The following HUNK variants were observed in gnomAD, a reference collection of about 807,000 sequenced individuals.
HUNK encodes the protein hormonally up-regulated neu tumor-associated kinase.
Under a neutral mutation model 61.0 loss-of-function variants are expected in HUNK, and 21 were observed. The observed-to-expected ratio is 0.34, with a 90% CI of 0.24 to 0.50. HUNK has a LOEUF of 0.50. Ranked by LOEUF, HUNK falls within the 20% of genes least tolerant of loss-of-function variation. The probability of loss-of-function intolerance (pLI) is 0.98; values close to 1 mark genes in which losing one functional copy is unlikely to be tolerated. For missense variants in HUNK, 772 were observed against 945.7 expected (o/e 0.82, Z 2.41); for synonymous variants, 371 against 386.1 (o/e 0.96, Z 0.46).
At chr21:31,978,898 A>C (rs527933753) in intron 7 of HUNK, among the ~76,000 whole-genome samples, 1 of 152,158 alleles carries the variant, frequency 6.6e-6, no homozygotes, top group South Asian at 2.1e-4. Flanking sequence ...TTTTTTGAGG[A>C]TCCATACTGA....
At chr21:31,984,389 A>G (rs2123244972) in intron 8 of HUNK, among the ~76,000 whole-genome samples, 1 of 152,330 alleles carries the variant, frequency 6.6e-6, no homozygotes, top group South Asian at 2.1e-4. Flanking sequence ...TAAAAATAAA[A>G]GGAAAAAAAT....
rs148983665 is a variant in HUNK at position 31,900,657 on chromosome 21, G to A, written c.262-23811G>A. Among the ~76,000 whole-genome samples the A allele has an allele frequency of 1.8e-3, 273 of 152,254 alleles. 1 individual carries two copies. Among genetic ancestry groups the A allele is most frequent in the African/African-American group, 6.2e-3 (257 of 41,550 alleles). ...AGCACTCTACTACAGAGCCCTGCGCGTGCAGTGATACCTGAGTTAATCAGT... is the reference window on the plus strand; with the variant it reads ...AGCACTCTACTACAGAGCCCTGCGCATGCAGTGATACCTGAGTTAATCAGT... On this transcript the variant is annotated intron_variant, in intron 1 of 10. Coordinates refer to ENST00000270112, the MANE Select transcript of HUNK (RefSeq NM_014586.2).
chr21:31,886,506 G>A (rs149656433), intron 1 of HUNK, among the ~76,000 whole-genome samples: 3 of 151,888 alleles, frequency 2.0e-5, no homozygotes, highest in Non-Finnish European at 4.4e-5. Context: ...ATTCTGGGGG[G>A]ACATAATTAA....
Position 31,969,561 on chromosome 21 carries a change from CTCTTTTT to C in HUNK, c.1010+1185_1010+1191del, listed in dbSNP as rs1030426153. On this transcript the variant is annotated intron_variant, in intron 6 of 10. Coordinates refer to ENST00000270112, the MANE Select transcript of HUNK (RefSeq NM_014586.2). Reference sequence around the variant, plus strand: ...GCTAACTACAGATTAAAAAACATTTCTCTTTTTTCTTTTTTTTTTTTTTGAGACAAAA... The same window carrying C: ...GCTAACTACAGATTAAAAAACATTTCTCTTTTTTTTTTTTTTGAGACAAAA... Among the ~76,000 whole-genome samples, 6 of 151,950 alleles carry C rather than the reference CTCTTTTT, an allele frequency of 3.9e-5. No homozygotes were observed. The South Asian group carries it at 6.3e-4, about 16-fold the overall frequency.
At chr21:31,879,968 A>G (rs1331799451) in intron 1 of HUNK, among the ~76,000 whole-genome samples, 1 of 152,162 alleles carries the variant, frequency 6.6e-6, no homozygotes, top group Non-Finnish European at 1.5e-5. Context: ...TACTGACCTG[A>G]ATTGAATTTC....
At chr21:31,975,696 T>C (rs1328721260) in intron 7 of HUNK, among the ~76,000 whole-genome samples, 1 of 152,236 alleles carries the variant, frequency 6.6e-6, no homozygotes, top group Non-Finnish European at 1.5e-5. Flanking sequence ...GCCCAATATG[T>C]CACCAAATTT....
At chr21:31,977,133 A>G (rs1257625099) in intron 7 of HUNK, among the ~76,000 whole-genome samples, 4 of 152,134 alleles carry the variant, frequency 2.6e-5, no homozygotes, top group Non-Finnish European at 4.4e-5. Flanking sequence ...TAAAATTTCT[A>G]TTTATTATAT....
At chr21:31,968,973 G>A (rs974922089) in intron 6 of HUNK, among the ~76,000 whole-genome samples, 3 of 151,830 alleles carry the variant, frequency 2.0e-5, no homozygotes, top group African/African-American at 7.3e-5. Flanking sequence ...CTGCCTCCTG[G>A]TTTCAAGCGA....
intron 1 of HUNK, among the ~76,000 whole-genome samples, chr21:31,916,401 TGTGTGTCATTACCGG>T (rs1001075234): frequency 1.3e-5 from 2 of 152,180 alleles, no homozygotes; most frequent in African/African-American, 2.4e-5. Flanking sequence ...TAGATGGAAG[TGTGTGTCATTACCGG>T]GTGCATTACT....
At chr21:31,957,015 G>A (rs2052894130) in intron 4 of HUNK, among the ~76,000 whole-genome samples, 1 of 152,116 alleles carries the variant, frequency 6.6e-6, no homozygotes, top group African/African-American at 2.4e-5. Flanking sequence ...AAAGACACAT[G>A]AGCTCACACA....
At chr21:31,971,896 A>G (rs754052926) in intron 6 of HUNK, among the ~76,000 whole-genome samples, 23 of 148,102 alleles carry the variant, frequency 1.6e-4, no homozygotes, top group Non-Finnish European at 3.1e-4. Context: ...TGGCGCAATC[A>G]CAGCTCACTG....
chr21:31,962,172 G>T (rs2052933543), intron 5 of HUNK, among the ~76,000 whole-genome samples: 2 of 152,128 alleles, frequency 1.3e-5, no homozygotes, highest in Non-Finnish European at 2.9e-5. Flanking sequence ...CTAAAACATG[G>T]CATGCGGCTT....
chr21:31,957,192 T>C (rs149962942), intron 4 of HUNK, among the ~76,000 whole-genome samples: 1 of 152,196 alleles, frequency 6.6e-6, no homozygotes, highest in South Asian at 2.1e-4. Flanking sequence ...ATCTATTTGT[T>C]TGCACGTTGC....
chr21:31,889,419 CTT>C (rs1027548944), intron 1 of HUNK, among the ~76,000 whole-genome samples: 1 of 152,194 alleles, frequency 6.6e-6, no homozygotes, highest in Non-Finnish European at 1.5e-5. Flanking sequence ...AGTGTTATCA[CTT>C]ATATAATCTG....
At chr21:31,980,148 C>T (rs1295089409) in intron 7 of HUNK, among the ~76,000 whole-genome samples, 2 of 151,438 alleles carry the variant, frequency 1.3e-5, no homozygotes, top group Non-Finnish European at 1.5e-5. Context: ...CTCAGCTCAC[C>T]GTGACCTCCA....
At chr21:31,942,655 C>G (rs912108201) in intron 3 of HUNK, among the ~76,000 whole-genome samples, 3 of 152,172 alleles carry the variant, frequency 2.0e-5, no homozygotes, top group Admixed American at 2.0e-4. Flanking sequence ...TCAAATCTCT[C>G]AGAGTCATCA....
intron 6 of HUNK, among the ~76,000 whole-genome samples, chr21:31,971,743 A>G (rs941365101): frequency 6.6e-6 from 1 of 152,126 alleles, no homozygotes. Flanking sequence ...ATGTCTTTGG[A>G]AGTAAATTTT....
chr21:31,943,089 C>T (rs1052275108), intron 3 of HUNK, among the ~76,000 whole-genome samples: 1 of 149,478 alleles, frequency 6.7e-6, no homozygotes. Context: ...GCATTACCTA[C>T]TTTTTTTTTT....
rs1193744156 is a variant in HUNK at position 31,990,927 on chromosome 21, T to A, written c.1305+751T>A. 2.6e-5 allele frequency among the ~76,000 whole-genome samples: 4 copies of A among 152,304 alleles called. No individual in the cohort carries two copies. The East Asian group carries it at 7.7e-4, about 29-fold the overall frequency. On this transcript the variant is annotated intron_variant, in intron 9 of 10. Transcript: ENST00000270112. ...GTACCATGGCCTAGGCAAGTTGACA[T>A]ATGAAATTAACCATCACATATGATC...
Sources: allele counts gnomAD v4.1 joint callset (sites outside exome capture counted in the v4.1 genomes callset), GRCh38; gene constraint gnomAD v4.1.1; transcripts MANE v1.5; gene names NCBI Gene and HGNC (gene_info 2026-07-23, HGNC 2026-07-21).